Variants in EIF4EBP2 observed in about 807,000 individuals in gnomAD.
EIF4EBP2 encodes the protein eukaryotic translation initiation factor 4E binding protein 2, also known as eukaryotic translation initiation factor 4E-binding protein 2.
A neutral mutation model predicts 10.3 loss-of-function variants in EIF4EBP2; 5 were observed. The observed-to-expected ratio is 0.48, with a 90% confidence interval of 0.25 to 1.02. The LOEUF is 1.02. EIF4EBP2 is among the 50% of genes least tolerant of loss of function. The pLI, the probability that EIF4EBP2 is intolerant of heterozygous loss-of-function variation, is 0.15. For missense variants in EIF4EBP2, 188 were observed against 162.2 expected, an observed-to-expected ratio of 1.16 and a Z score of -0.86; for synonymous variants, 67 against 61.1, an observed-to-expected ratio of 1.10 and a Z score of -0.45.
At chr10:70,406,631 C>T (rs898609131) in intron 1 of EIF4EBP2, among the ~76,000 whole-genome samples, 4 of 152,216 alleles carry the variant, frequency 2.6e-5, no homozygotes, top group Non-Finnish European at 4.4e-5. Flanking sequence ...AGTCTTTAAG[C>T]GTTGCTTCAA....
rs565432459 is a variant in EIF4EBP2, at chr10:70,420,332, G to A, written c.331+233G>A. On this transcript the variant is annotated intron_variant, in intron 2 of 2. Coordinates refer to ENST00000373218, the MANE Select transcript of EIF4EBP2 (RefSeq NM_004096.5). ...CTCCTGCCTCAGCCTCCCGAGTAGCGGGGATTACAGGCGCCTGCCACCACG... is the reference window on the plus strand; with the variant it reads ...CTCCTGCCTCAGCCTCCCGAGTAGCAGGGATTACAGGCGCCTGCCACCACG... Among the ~76,000 whole-genome samples, 71 of 151,686 alleles carry A rather than the reference G, an allele frequency of 4.7e-4. 1 individual carries two copies. The highest frequency in any genetic ancestry group is 1.6e-3 in the Admixed American group (25 of 15,238).
chr10:70,405,480 G>A (rs1464913915), intron 1 of EIF4EBP2, among the ~76,000 whole-genome samples: 2 of 152,248 alleles, frequency 1.3e-5, no homozygotes, highest in Non-Finnish European at 2.9e-5. Flanking sequence ...CTGTCCTCCA[G>A]AGGGAGGAGC....
At chr10:70,413,091 T>G (rs1203569174) in intron 1 of EIF4EBP2, among the ~76,000 whole-genome samples, 1 of 152,244 alleles carries the variant, frequency 6.6e-6, no homozygotes, top group Non-Finnish European at 1.5e-5. Context: ...CTCCCCATTA[T>G]GAAAGATGAG....
At chr10:70,410,557 T>A (rs747624741) in intron 1 of EIF4EBP2, among the ~76,000 whole-genome samples, 17 of 152,262 alleles carry the variant, frequency 1.1e-4, no homozygotes, top group Non-Finnish European at 1.6e-4. Flanking sequence ...AGAGTCTCCA[T>A]GAAGAACAGA....
chr10:70,407,863 C>G (rs532112076), intron 1 of EIF4EBP2, among the ~76,000 whole-genome samples: 2 of 133,450 alleles, frequency 1.5e-5, no homozygotes, highest in Non-Finnish European at 1.6e-5. Context: ...GGGGCTGACC[C>G]CCCACCTCCC....
rs889582918 is a variant in EIF4EBP2, at chr10:70,426,712, C to T, written c.*4965C>T. ...GAGCTATAAGAAAAGGATTCTTCTTCCAGAAGTAAAGAACTCATCTTTAGA... is the reference window on the plus strand; with the variant it reads ...GAGCTATAAGAAAAGGATTCTTCTTTCAGAAGTAAAGAACTCATCTTTAGA... On this transcript the variant is annotated 3_prime_UTR_variant, in exon 3 of 3. Transcript: ENST00000373218. 2.0e-5 allele frequency: 3 copies of T among 152,194 alleles called. No homozygotes were observed. The highest frequency in any genetic ancestry group is 7.2e-5 in the African/African-American group (3 of 41,460). 9.4% of individuals were successfully genotyped at this position (152,194 alleles called of 1,614,324 possible).
chr10:70,405,208 A>G (rs1299129826), intron 1 of EIF4EBP2, among the ~76,000 whole-genome samples: 1 of 152,144 alleles, frequency 6.6e-6, no homozygotes, highest in South Asian at 2.1e-4. Context: ...TAGGGTGCTG[A>G]CAGCCTTAAG....
chr10:70,414,349 A>C (rs1441090431), intron 1 of EIF4EBP2, among the ~76,000 whole-genome samples: 1 of 143,902 alleles, frequency 6.9e-6, no homozygotes, highest in Non-Finnish European at 1.6e-5. Context: ...AGAGATTACT[A>C]AAATTCAAAA....
Position 70,421,721 on chromosome 10 carries a change from G to C in EIF4EBP2, c.337G>C (p.Asp113His), listed in dbSNP as rs746491151. 4 of 1,613,636 alleles carry C rather than the reference G, an allele frequency of 2.5e-6. No homozygotes were observed. The highest frequency in any genetic ancestry group is 3.4e-6 in the Non-Finnish European group (4 of 1,179,746). ...ATTTTATTGGTCCTAACTAGGGGATGATGCTCAGTTCGAGATGGACATCTG... is the reference window on the plus strand; with the variant it reads ...ATTTTATTGGTCCTAACTAGGGGATCATGCTCAGTTCGAGATGGACATCTG... ...NHDRKHAVGD[D>H]AQFEMDI Residue 113 changes from aspartate (D) to histidine (H), a missense_variant, in exon 3 of 3, where the codon GAT (aspartate) becomes CAT (histidine). Physicochemically the swap from Asp to His is moderately conservative, Grantham distance 81 (BLOSUM62 -1). Coordinates refer to ENST00000373218, the MANE Select transcript of EIF4EBP2 (RefSeq NM_004096.5).
chr10:70,419,870 A>G, intron 1 of EIF4EBP2, 44 bp from the exon 2 acceptor site: 1 of 1,388,592 alleles, frequency 7.2e-7, no homozygotes, highest in South Asian at 1.4e-5. Context: ...ATATGTTGAT[A>G]ACCCCTTAAA....
At chr10:70,410,783 G>C (rs556011137) in intron 1 of EIF4EBP2, among the ~76,000 whole-genome samples, 5 of 152,344 alleles carry the variant, frequency 3.3e-5, no homozygotes, top group African/African-American at 9.6e-5. Flanking sequence ...AGCACTTGCT[G>C]CTTGTTCATC....
chr10:70,411,221 TC>T (rs1289385698), intron 1 of EIF4EBP2, among the ~76,000 whole-genome samples: 1 of 152,174 alleles, frequency 6.6e-6, no homozygotes, highest in Non-Finnish European at 1.5e-5. Flanking sequence ...AACAATAACT[TC>T]CCATTAAGCA....
At position 70,425,353 on chromosome 10, in the gene EIF4EBP2, GGA is replaced by G. The variant is rs1245045906; in HGVS notation, c.*3612_*3613del. 1 of 152,254 alleles carries G rather than the reference GGA, an allele frequency of 6.6e-6. No individual in the cohort carries two copies. Among genetic ancestry groups the G allele is most frequent in the Admixed American group, 6.5e-5 (1 of 15,286 alleles). The allele number at this position is 152,254 out of a possible 1,614,324, so 9.4% of individuals were successfully genotyped here. On this transcript the variant is annotated 3_prime_UTR_variant, in exon 3 of 3. Transcript: ENST00000373218. ...GCCACTAAGTTCAGCCTGCACTCAA[GGA>G]GAGAGGAATTACACATACCTCTACC...
chr10:70,410,467 G>A (rs939519125), intron 1 of EIF4EBP2, among the ~76,000 whole-genome samples: 5 of 152,206 alleles, frequency 3.3e-5, no homozygotes, highest in African/African-American at 1.2e-4. Flanking sequence ...CTGTCTCCCT[G>A]AAGAATACAG....
At chr10:70,407,729 G>GGC (rs1564660140) in intron 1 of EIF4EBP2, among the ~76,000 whole-genome samples, 1 of 26,738 alleles carries the variant, frequency 3.7e-5, no homozygotes, top group African/African-American at 1.1e-4. Flanking sequence ...GCGGGGGGCT[G>GGC]ACCCCCCCCC....
chr10:70,416,988 C>G (rs779971734), intron 1 of EIF4EBP2, among the ~76,000 whole-genome samples: 5 of 151,954 alleles, frequency 3.3e-5, no homozygotes, highest in Non-Finnish European at 5.9e-5. Flanking sequence ...TGGTATATAC[C>G]CAAGAGAATG....
chr10:70,414,420 G>A lies in EIF4EBP2; in HGVS notation c.146-5494G>A, dbSNP rs192999456. Reference sequence around the variant, plus strand: ...CCTGGCTATATTTGAGAACATTACAGCATTAAGACGCTAGTTCTTCAGTGT... The same window carrying A: ...CCTGGCTATATTTGAGAACATTACAACATTAAGACGCTAGTTCTTCAGTGT... On this transcript the variant is annotated intron_variant, in intron 1 of 2. Transcript: ENST00000373218. Among the ~76,000 whole-genome samples, 7 of 152,246 alleles carry A rather than the reference G, an allele frequency of 4.6e-5. No individual in the cohort carries two copies. The South Asian group carries it at 6.2e-4, about 14-fold the overall frequency.
At chr10:70,406,689 A>G (rs989219101) in intron 1 of EIF4EBP2, among the ~76,000 whole-genome samples, 2 of 150,852 alleles carry the variant, frequency 1.3e-5, no homozygotes, top group African/African-American at 5.0e-5. Flanking sequence ...AAGTGCTTGC[A>G]AAGAGTCTGC....
At chr10:70,407,730 A>ACCCCCCC (rs750558076) in intron 1 of EIF4EBP2, among the ~76,000 whole-genome samples, 12 of 103,578 alleles carry the variant, frequency 1.2e-4, no homozygotes, top group African/African-American at 5.0e-4. Context: ...CGGGGGGCTG[A>ACCCCCCC]CCCCCCCCCC....
Sources: allele counts gnomAD v4.1 joint callset (sites outside exome capture counted in the v4.1 genomes callset), GRCh38; gene constraint gnomAD v4.1.1; transcripts MANE v1.5; gene names NCBI Gene and HGNC (gene_info 2026-07-23, HGNC 2026-07-21).